The following ADGRL4 variants were observed in gnomAD, a reference collection of about 807,000 sequenced individuals.
ADGRL4 encodes the protein adhesion G protein-coupled receptor L4, also known as EGF, latrophilin and seven transmembrane domain containing 1.
In ADGRL4, 90 loss-of-function variants were observed where a neutral mutation model predicts 74.8. The observed-to-expected ratio is 1.20, with a 90% confidence interval of 1.02 to 1.43. The LOEUF is 1.43. ADGRL4 is among the 40% of genes most tolerant of loss of function. The pLI is 0.00. For missense variants in ADGRL4, 881 were observed against 814.3 expected, an observed-to-expected ratio of 1.08 and a Z score of -1.00; for synonymous variants, 311 against 279.2, an observed-to-expected ratio of 1.11 and a Z score of -1.14.
At chr1:78,969,622 G>C (rs568487047) in intron 2 of ADGRL4, among the ~76,000 whole-genome samples, 2 of 151,946 alleles carry the variant, frequency 1.3e-5, no homozygotes, top group Non-Finnish European at 1.5e-5. Flanking sequence ...AGTTACTCTT[G>C]CTGCACTTCA....
chr1:78,908,325 T>C (rs1648687795), intron 12 of ADGRL4, among the ~76,000 whole-genome samples: 1 of 152,000 alleles, frequency 6.6e-6, no homozygotes, highest in Non-Finnish European at 1.5e-5. Context: ...TCTTAGTAAA[T>C]AGGAGCTTGA....
intron 2 of ADGRL4, among the ~76,000 whole-genome samples, chr1:79,002,663 T>G (rs896604875): frequency 3.3e-5 from 5 of 152,112 alleles, no homozygotes; most frequent in Admixed American, 3.3e-4. Context: ...GAGCTAATAC[T>G]TGAATCCAAG....
intron 4 of ADGRL4, among the ~76,000 whole-genome samples, chr1:78,938,653 T>C (rs1172031744): frequency 1.3e-5 from 2 of 152,064 alleles, no homozygotes; most frequent in African/African-American, 4.8e-5. Flanking sequence ...AAGCAATAAA[T>C]GATAATACTT....
At chr1:78,968,220 T>C (rs1179936667) in intron 2 of ADGRL4, among the ~76,000 whole-genome samples, 1 of 151,998 alleles carries the variant, frequency 6.6e-6, no homozygotes, top group Non-Finnish European at 1.5e-5. Context: ...TTTTTGTCAA[T>C]TGTGTTTCCA....
chr1:78,999,386 T>C (rs1341979855), intron 2 of ADGRL4, among the ~76,000 whole-genome samples: 1 of 152,142 alleles, frequency 6.6e-6, no homozygotes, highest in Non-Finnish European at 1.5e-5. Flanking sequence ...TTAAAATGTA[T>C]TATAATCCAC....
rs138197186 is a variant in ADGRL4 at position 78,894,445 on chromosome 1, A to G, written c.1750-1256T>C. 1.1e-3 allele frequency among the ~76,000 whole-genome samples: 166 copies of G among 151,978 alleles called. 1 individual carries two copies. The highest frequency in any genetic ancestry group is 3.8e-3 in the African/African-American group (157 of 41,526). On this transcript the variant is annotated intron_variant, in intron 12 of 14. Coordinates refer to ENST00000370742, the MANE Select transcript of ADGRL4 (RefSeq NM_022159.4). ...TGCTTCCATACTTTAGCAATTGTAG[A>G]GGTGAGATAAAGAATATTTAAATTG... is the stretch of plus-strand genomic sequence containing the variant.
intron 2 of ADGRL4, among the ~76,000 whole-genome samples, chr1:78,996,669 ATCC>A (rs1650722175): frequency 6.6e-6 from 1 of 152,074 alleles, no homozygotes; most frequent in Non-Finnish European, 1.5e-5. Flanking sequence ...TCCATGGTTG[ATCC>A]TCTGTTTCTC....
intron 2 of ADGRL4, among the ~76,000 whole-genome samples, chr1:78,994,792 C>T (rs1463011268): frequency 2.0e-5 from 3 of 152,116 alleles, no homozygotes; most frequent in African/African-American, 7.2e-5. Flanking sequence ...ATTTGATCAT[C>T]CTGCCTCATT....
chr1:78,959,545 AC>A (rs1649902697), intron 2 of ADGRL4, among the ~76,000 whole-genome samples: 1 of 152,076 alleles, frequency 6.6e-6, no homozygotes, highest in Non-Finnish European at 1.5e-5. Flanking sequence ...CTCCAGTCTG[AC>A]CTGTGTGTGT....
At chr1:78,944,572 A>G (rs535375021) in intron 3 of ADGRL4, among the ~76,000 whole-genome samples, 22 of 152,296 alleles carry the variant, frequency 1.4e-4, no homozygotes, top group Admixed American at 1.4e-3. Flanking sequence ...TTGTTTTCTC[A>G]TATTTTAAAT....
At chr1:78,958,598 T>C (rs1179219548) in intron 2 of ADGRL4, among the ~76,000 whole-genome samples, 1 of 152,160 alleles carries the variant, frequency 6.6e-6, no homozygotes. Flanking sequence ...ATGATATAAC[T>C]TTGATGGATG....
chr1:78,919,913 C>T (rs926586076), intron 10 of ADGRL4, among the ~76,000 whole-genome samples: 1 of 151,818 alleles, frequency 6.6e-6, no homozygotes, highest in African/African-American at 2.4e-5. Flanking sequence ...CAAAACAGAA[C>T]AACAAAAAAG....
chr1:78,972,380 C>A (rs1480901762), intron 2 of ADGRL4, among the ~76,000 whole-genome samples: 2 of 151,952 alleles, frequency 1.3e-5, no homozygotes, highest in African/African-American at 4.8e-5. Context: ...ATTAATAGAC[C>A]TCATAAATAT....
At chr1:78,951,819 TGAA>T (rs2100699899) in intron 2 of ADGRL4, among the ~76,000 whole-genome samples, 1 of 152,322 alleles carries the variant, frequency 6.6e-6, no homozygotes, top group Admixed American at 6.5e-5. Context: ...TTTTCAGCGT[TGAA>T]GAGTGAAGTG....
At chr1:78,948,339 C>T (rs952790576) in intron 2 of ADGRL4, among the ~76,000 whole-genome samples, 1 of 152,064 alleles carries the variant, frequency 6.6e-6, no homozygotes, top group Non-Finnish European at 1.5e-5. Flanking sequence ...CAGTTTGATT[C>T]CATCAGGAGT....
chr1:78,944,891 C>G (rs1349373543), intron 3 of ADGRL4, among the ~76,000 whole-genome samples: 1 of 151,930 alleles, frequency 6.6e-6, no homozygotes, highest in African/African-American at 2.4e-5. Context: ...AATTTTTGAA[C>G]ATTGTGTCAT....
At chr1:78,927,724 T>A (rs986732649) in intron 7 of ADGRL4, among the ~76,000 whole-genome samples, 3 of 152,072 alleles carry the variant, frequency 2.0e-5, no homozygotes, top group Non-Finnish European at 4.4e-5. Context: ...AATACAAATA[T>A]TAATATCATC....
intron 9 of ADGRL4, 69 bp from the exon 10 acceptor site, chr1:78,920,455 T>G (rs1570228479): frequency 1.1e-6 from 1 of 879,594 alleles, no homozygotes; most frequent in East Asian, 2.6e-5. Flanking sequence ...CTACAACATA[T>G]AATGAACTTC....
At chr1:78,910,811 A>G (rs1230371591) in intron 12 of ADGRL4, among the ~76,000 whole-genome samples, 1 of 151,840 alleles carries the variant, frequency 6.6e-6, no homozygotes, top group Admixed American at 6.6e-5. Context: ...GTACAGTCAC[A>G]ATCTTAACAT....
Sources: allele counts gnomAD v4.1 joint callset (sites outside exome capture counted in the v4.1 genomes callset), GRCh38; gene constraint gnomAD v4.1.1; transcripts MANE v1.5; gene names NCBI Gene and HGNC (gene_info 2026-07-23, HGNC 2026-07-21).